CLASP1: variants seen among roughly 807,000 people sequenced by gnomAD.
CLASP1 encodes the protein cytoplasmic linker associated protein 1.
Under a neutral mutation model 192.3 loss-of-function variants are expected in CLASP1, and 38 were observed. That is an observed-to-expected ratio of 0.20 (90% CI 0.15 to 0.26). The LOEUF (loss-of-function observed/expected upper bound fraction) is 0.26, where lower values mean the gene tolerates loss of function less well. Among genes scored for constraint, CLASP1 ranks in the 10% least tolerant of loss-of-function variants. The pLI is 1.00. For missense variants in CLASP1, 1,433 were observed against 1,932.5 expected, an observed-to-expected ratio of 0.74 and a Z score of 4.85; for synonymous variants, 691 against 712.8, an observed-to-expected ratio of 0.97 and a Z score of 0.49.
chr2:121,500,390 AAG>A (rs1284113074), intron 8 of CLASP1, among the ~76,000 whole-genome samples: 2 of 149,808 alleles, frequency 1.3e-5, no homozygotes. Flanking sequence ...GAAAGAAAGA[AAG>A]AAAGAAAAGA....
intron 29 of CLASP1, among the ~76,000 whole-genome samples, chr2:121,397,614 T>C (rs1158842051): frequency 6.6e-6 from 1 of 152,208 alleles, no homozygotes. Flanking sequence ...GCTCTGCCAC[T>C]GACTGCAGGG....
chr2:121,617,745 C>T (rs923317638), intron 1 of CLASP1, among the ~76,000 whole-genome samples: 4 of 152,216 alleles, frequency 2.6e-5, no homozygotes, highest in African/African-American at 9.6e-5. Context: ...CTCTACCCAC[C>T]TTCCAGATCT....
At chr2:121,540,594 C>T (rs1451902331) in intron 2 of CLASP1, among the ~76,000 whole-genome samples, 2 of 152,012 alleles carry the variant, frequency 1.3e-5, no homozygotes, top group Non-Finnish European at 2.9e-5. Context: ...CAAGACCAGC[C>T]TGACCAACAT....
intron 8 of CLASP1, among the ~76,000 whole-genome samples, chr2:121,480,973 T>A (rs2092555224): frequency 6.6e-6 from 1 of 152,186 alleles, no homozygotes. Flanking sequence ...CTGGCATGCG[T>A]CCAAAGGAGG....
chr2:121,454,915 G>A (rs575231933), intron 14 of CLASP1, among the ~76,000 whole-genome samples: 1 of 152,338 alleles, frequency 6.6e-6, no homozygotes, highest in South Asian at 2.1e-4. Flanking sequence ...AATGTTTTAC[G>A]TAATGATTGT....
chr2:121,531,007 A>C (rs780395960), intron 2 of CLASP1: 2 of 700,272 alleles, frequency 2.9e-6, no homozygotes, highest in Non-Finnish European at 5.2e-6. Flanking sequence ...TTTTTGGAAA[A>C]ATGAAAACCT....
chr2:121,358,051 T>C (rs1220246843), intron 37 of CLASP1, among the ~76,000 whole-genome samples: 2 of 152,236 alleles, frequency 1.3e-5, no homozygotes, highest in African/African-American at 4.8e-5. Flanking sequence ...AAGACTACAG[T>C]ACACCACTAC....
In CLASP1 at chr2:121,631,158, CAAAA is replaced by C. The variant is rs869087192; in HGVS notation, c.-286+18210_-286+18213del. Among the ~76,000 whole-genome samples the C allele has an allele frequency of 5.3e-3, 343 of 65,126 alleles. 2 individuals carry two copies. Among genetic ancestry groups the C allele is most frequent in the African/African-American group, 0.018 (315 of 17,768 alleles). The allele number at this position is 65,126 out of a possible 152,430, so 42.7% of individuals were successfully genotyped here. A position where few individuals can be genotyped will look rare whatever the true frequency, so the allele number is the denominator to read the frequency against. On this transcript the variant is annotated intron_variant, in intron 1 of 39. Transcript: ENST00000263710. The stretch of plus-strand genomic sequence containing the variant: ...TGGGTGACAAAGCGAGACTCCAGCT[CAAAA>C]AAAAAAAAAAAAAAAAAAAAGAAAT...
intron 37 of CLASP1, 50 bp downstream of exon 38, chr2:121,363,122 G>C: frequency 6.2e-7 from 1 of 1,605,402 alleles, no homozygotes; most frequent in South Asian, 1.1e-5. Flanking sequence ...TGTCCAAACT[G>C]CTCCTCATGA....
chr2:121,540,679 T>C (rs1303840701), intron 2 of CLASP1, among the ~76,000 whole-genome samples: 1 of 151,926 alleles, frequency 6.6e-6, no homozygotes, highest in Non-Finnish European at 1.5e-5. Flanking sequence ...TCCCAGCTAC[T>C]TGGAGGCTGA....
chr2:121,519,708 T>G (rs1387063458), intron 6 of CLASP1, among the ~76,000 whole-genome samples: 3 of 152,184 alleles, frequency 2.0e-5, no homozygotes, highest in Admixed American at 2.0e-4. Context: ...CTTTATCCTT[T>G]AAAATAATCG....
At chr2:121,531,095 G>T in intron 2 of CLASP1, 1 of 651,484 alleles carries the variant, frequency 1.5e-6, no homozygotes, top group East Asian at 2.7e-5. Flanking sequence ...AGTAGAGGGT[G>T]CACAAGACGC....
intron 2 of CLASP1, among the ~76,000 whole-genome samples, chr2:121,551,397 AG>A (rs2058029735): frequency 6.6e-6 from 1 of 152,224 alleles, no homozygotes; most frequent in Non-Finnish European, 1.5e-5. Flanking sequence ...ATAAGAAGAC[AG>A]GAAGTCAAAC....
At chr2:121,385,812 A>G (rs1377806438) in intron 32 of CLASP1, among the ~76,000 whole-genome samples, 1 of 152,258 alleles carries the variant, frequency 6.6e-6, no homozygotes, top group African/African-American at 2.4e-5. Flanking sequence ...TAGAAAAGAT[A>G]ATTTTATGAT....
chr2:121,454,722 C>T (rs1036771789), intron 14 of CLASP1, among the ~76,000 whole-genome samples: 1 of 152,132 alleles, frequency 6.6e-6, no homozygotes, highest in African/African-American at 2.4e-5. Context: ...ATGATGAATC[C>T]CCTAAACATC....
intron 34 of CLASP1, among the ~76,000 whole-genome samples, chr2:121,375,919 C>T (rs1258228273): frequency 6.6e-6 from 1 of 152,128 alleles, no homozygotes; most frequent in Non-Finnish European, 1.5e-5. Flanking sequence ...AAAAAAGGCA[C>T]TTAACATTCC....
intron 8 of CLASP1, among the ~76,000 whole-genome samples, chr2:121,481,937 A>G (rs2092628121): frequency 6.6e-6 from 1 of 152,238 alleles, no homozygotes; most frequent in East Asian, 1.9e-4. Context: ...AGCATGTAGG[A>G]TTCAGTGTGA....
intron 18 of CLASP1, among the ~76,000 whole-genome samples, chr2:121,448,073 G>A (rs571497717): frequency 4.2e-4 from 64 of 152,346 alleles, no homozygotes; most frequent in African/African-American, 9.6e-4. Flanking sequence ...AAGTCACCCC[G>A]TCAATGTTGT....
At chr2:121,503,269 C>A in intron 7 of CLASP1, 35 bp from the exon 8 acceptor site, 1 of 1,148,250 alleles carries the variant, frequency 8.7e-7, no homozygotes, top group South Asian at 1.3e-5. Context: ...AACTATTAAC[C>A]ATCACTGCTC....
Sources: allele counts gnomAD v4.1 joint callset (sites outside exome capture counted in the v4.1 genomes callset), GRCh38; gene constraint gnomAD v4.1.1; transcripts MANE v1.5; gene names NCBI Gene and HGNC (gene_info 2026-07-23, HGNC 2026-07-21).